The following TRA2B variants were observed in gnomAD, a reference collection of about 807,000 sequenced individuals.
TRA2B encodes transformer 2 beta homolog.
TRA2B carries 14 observed loss-of-function variants against 41.7 expected under a neutral mutation model. That is an observed-to-expected ratio of 0.34 (90% CI 0.22 to 0.53). The LOEUF (loss-of-function observed/expected upper bound fraction) is 0.53. Among genes scored for constraint, TRA2B ranks in the 20% least tolerant of loss-of-function variants. TRA2B has a pLI of 0.95. For synonymous variants in TRA2B, 130 were observed against 128.8 expected (o/e 1.01, Z -0.06); for missense variants, 167 against 396.8 (o/e 0.42, Z 4.92).
chr3:185,936,750 C>T (rs745461490), intron 1 of TRA2B: 337 of 985,190 alleles, frequency 3.4e-4, no homozygotes, highest in Non-Finnish European at 3.9e-4. Context: ...TTTCTATCAC[C>T]CTTCTAACAG....
At chr3:185,921,010 G>A in intron 6 of TRA2B, 94 bp downstream of exon 6, 2 of 1,077,028 alleles carry the variant, frequency 1.9e-6, no homozygotes, top group South Asian at 3.2e-5. Context: ...AAGTACTAAA[G>A]CAAAGCTTTT....
chr3:185,922,237 T>TA, intron 4 of TRA2B, 111 bp from the exon 5 acceptor site: 1 of 651,108 alleles, frequency 1.5e-6, no homozygotes, highest in South Asian at 2.3e-5. Context: ...TAAGTTATCT[T>TA]AATGTTAGCC....
chr3:185,920,038 CATTTTT>C (rs931491020), intron 6 of TRA2B, among the ~76,000 whole-genome samples: 17 of 152,128 alleles, frequency 1.1e-4, no homozygotes, highest in African/African-American at 4.1e-4. Flanking sequence ...AATTTTACTT[CATTTTT>C]ATCTTTGGAA....
At chr3:185,934,388 G>T in intron 1 of TRA2B, 1 of 985,360 alleles carries the variant, frequency 1.0e-6, no homozygotes, top group African/African-American at 1.7e-5. Context: ...CCCACCACCT[G>T]AATTCCTTTT....
intron 7 of TRA2B, 129 bp from the exon 8 acceptor site, chr3:185,918,567 G>C: frequency 1.8e-6 from 1 of 544,008 alleles, no homozygotes; most frequent in East Asian, 3.0e-5. Context: ...AACCTTCAAG[G>C]TCTGTTTAAA....
chr3:185,929,274 G>A (rs991505778), intron 1 of TRA2B, among the ~76,000 whole-genome samples: 3 of 152,140 alleles, frequency 2.0e-5, no homozygotes, highest in Admixed American at 6.5e-5. Context: ...TTGCCTACAA[G>A]AAATAAGACC....
chr3:185,920,659 A>G (rs1252484049), intron 6 of TRA2B, among the ~76,000 whole-genome samples: 3 of 152,004 alleles, frequency 2.0e-5, no homozygotes, highest in South Asian at 4.1e-4. Context: ...GGTTCAAGCA[A>G]TTCACCTGCC....
At chr3:185,926,761 T>C in intron 1 of TRA2B, 27 bp from the exon 2 acceptor site, 1 of 1,612,292 alleles carries the variant, frequency 6.2e-7, no homozygotes, top group Non-Finnish European at 8.5e-7. Flanking sequence ...AAAGTTTAAT[T>C]TGCACACTTT....
chr3:185,937,498 C>T, intron 1 of TRA2B: 1 of 1,073,458 alleles, frequency 9.3e-7, no homozygotes, highest in Non-Finnish European at 1.1e-6. Flanking sequence ...AGGAGAGCAA[C>T]GCCGAAATAA....
In TRA2B at chr3:185,918,379, C is replaced by T. The variant is rs2150111052; in HGVS notation, c.842G>A (p.Arg281Gln). Reference protein sequence around the residue: ...RGGYRSRSRSRSYSPRRY With the variant: ...RGGYRSRSRSQSYSPRRY Reference sequence around the variant, plus strand: ...TAAAAACTTACGAGGTGAGTATGATCGAGATCTGGAACGTGATCTGTATCC... The same window carrying T: ...TAAAAACTTACGAGGTGAGTATGATTGAGATCTGGAACGTGATCTGTATCC... The change falls in exon 8 of 9, where the codon CGA becomes CAA. Residue 281 changes from arginine to glutamine, a missense_variant. Around this residue, in one of 5 missense-constraint regions of TRA2B, gnomAD observed 30 missense variants for 46.7 expected, o/e 0.64. Coordinates refer to ENST00000453386, the MANE Select transcript of TRA2B (RefSeq NM_004593.3). 6.2e-7 allele frequency: 1 copy of T among 1,613,350 alleles called. No homozygotes were observed. Among genetic ancestry groups the T allele is most frequent in the Non-Finnish European group, 8.5e-7 (1 of 1,179,504 alleles).
chr3:185,928,503 C>T (rs1034214604), intron 1 of TRA2B: 3 of 152,154 alleles, frequency 2.0e-5, no homozygotes, highest in Non-Finnish European at 4.4e-5. Context: ...ACAACAATCC[C>T]TTGGAATTCC....
intron 1 of TRA2B, chr3:185,931,624 T>C: frequency 7.7e-7 from 1 of 1,293,130 alleles, no homozygotes; most frequent in Non-Finnish European, 9.8e-7. Flanking sequence ...CTTAACTTCA[T>C]TTTTATTTCT....
chr3:185,924,048 G>A (rs13082227), intron 3 of TRA2B, 64 bp from the exon 4 acceptor site: 1 of 1,483,758 alleles, frequency 6.7e-7, no homozygotes, highest in Non-Finnish European at 9.1e-7. Context: ...TGTTTAAAAA[G>A]GGAGCTGTAT....
intron 5 of TRA2B, among the ~76,000 whole-genome samples, chr3:185,921,584 G>A (rs1454844574): frequency 6.6e-6 from 1 of 152,146 alleles, no homozygotes; most frequent in Non-Finnish European, 1.5e-5. Context: ...CTAACATGGT[G>A]AAAACCTGCC....
chr3:185,921,234 A>T, intron 5 of TRA2B, 47 bp from the exon 6 acceptor site: 1 of 1,528,878 alleles, frequency 6.5e-7, no homozygotes, highest in South Asian at 1.1e-5. Flanking sequence ...CTTTCTGGAC[A>T]TGAGTTTTTA....
intron 1 of TRA2B, 189 bp from the exon 2 acceptor site, chr3:185,926,923 T>C (rs918147072): frequency 2.3e-5 from 15 of 639,852 alleles, no homozygotes; most frequent in Non-Finnish European, 3.2e-5. Context: ...GTCAATTAAC[T>C]TGTCCTTTCT....
intron 1 of TRA2B, 140 bp from the exon 2 acceptor site, chr3:185,926,874 T>C (rs1163367531): frequency 3.2e-6 from 3 of 936,656 alleles, no homozygotes; most frequent in Admixed American, 2.8e-5. Context: ...GAACTGAATA[T>C]ACCTGGTGTT....
At position 185,916,030 on chromosome 3, in the gene TRA2B, A is replaced by C. The variant is rs977201786; in HGVS notation, c.*1685T>G. On this transcript the variant is annotated 3_prime_UTR_variant, in exon 9 of 9. Coordinates refer to ENST00000453386, the MANE Select transcript of TRA2B (RefSeq NM_004593.3). ...TTCAAAACTCATTGAGAACAATTTG[A>C]AATAACCCATCAGGCATATACTAAG... 3 of 152,246 alleles carry C rather than the reference A, an allele frequency of 2.0e-5. No individual in the cohort carries two copies. The highest frequency in any genetic ancestry group is 7.2e-5 in the African/African-American group (3 of 41,456). 9.4% of individuals were successfully genotyped at this position (152,246 alleles called of 1,614,324 possible). A position where few individuals can be genotyped will look rare whatever the true frequency, so the allele number is the denominator to read the frequency against.
At chr3:185,934,324 T>C (rs1203611108) in intron 1 of TRA2B, 4 of 985,180 alleles carry the variant, frequency 4.1e-6, no homozygotes, top group South Asian at 4.7e-5. Context: ...TCGGATTTTA[T>C]TGTAGAGAAA....
Sources: gnomAD v4.1 joint callset for allele counts (sites outside exome capture counted in the v4.1 genomes callset) on GRCh38, gnomAD v4.1.1 for gene constraint, gnomAD v4.1.1 regional missense constraint, MANE v1.5 for transcripts, NCBI Gene and HGNC (gene_info 2026-07-23, HGNC 2026-07-21) for gene names.